The following CREB5 variants were observed in gnomAD, a reference collection of about 807,000 sequenced individuals.
The protein encoded by CREB5 is cyclic AMP-responsive element-binding protein 5.
In CREB5, 19 loss-of-function variants were observed where a neutral mutation model predicts 57.1. The ratio of observed to expected loss-of-function variants is 0.33; its 90% CI spans 0.23 to 0.49. The LOEUF is 0.49. Ranked by LOEUF, CREB5 falls within the 20% of genes least tolerant of loss-of-function variation. CREB5 has a pLI of 0.99. For missense variants in CREB5, 579 were observed against 671.6 expected, an observed-to-expected ratio of 0.86 and a Z score of 1.52; for synonymous variants, 238 against 238.3, an observed-to-expected ratio of 1.00 and a Z score of 0.01.
chr7:28,756,426 C>T (rs1805305007), intron 7 of CREB5, among the ~76,000 whole-genome samples: 1 of 151,998 alleles, frequency 6.6e-6, no homozygotes, highest in African/African-American at 2.4e-5. Context: ...CATGGTGGCA[C>T]ATGCCTGTAA....
intron 9 of CREB5, among the ~76,000 whole-genome samples, chr7:28,813,836 A>G (rs192813012): frequency 7.9e-4 from 121 of 152,340 alleles, no homozygotes; most frequent in African/African-American, 2.9e-3. Context: ...TACAGTCGCT[A>G]AACAGCTAAC....
chr7:28,698,521 A>G (rs1801689695), intron 5 of CREB5, among the ~76,000 whole-genome samples: 1 of 152,178 alleles, frequency 6.6e-6, no homozygotes, highest in Non-Finnish European at 1.5e-5. Context: ...CCATGAGGAT[A>G]GGCAGTATTT....
intron 1 of CREB5, among the ~76,000 whole-genome samples, chr7:28,342,743 T>C: frequency 6.6e-6 from 1 of 152,184 alleles, no homozygotes; most frequent in East Asian, 1.9e-4. Context: ...AAAAAAACCA[T>C]ATCCCAATTT....
intron 5 of CREB5, among the ~76,000 whole-genome samples, chr7:28,672,240 C>T (rs1800090099): frequency 6.7e-6 from 1 of 149,926 alleles, no homozygotes; most frequent in African/African-American, 2.5e-5. Flanking sequence ...TTTTAAAAGA[C>T]CTGGGATCTA....
intron 1 of CREB5, among the ~76,000 whole-genome samples, chr7:28,342,306 A>G (rs1785952602): frequency 6.6e-6 from 1 of 152,238 alleles, no homozygotes; most frequent in African/African-American, 2.4e-5. Context: ...GAGGGTTAGT[A>G]GGAAGATCAA....
intron 3 of CREB5, among the ~76,000 whole-genome samples, chr7:28,497,367 G>C (rs1221575849): frequency 1.3e-5 from 2 of 152,216 alleles, no homozygotes; most frequent in Non-Finnish European, 2.9e-5. Flanking sequence ...TTAATTTGAG[G>C]CTGTCCCTGC....
chr7:28,542,628 A>G (rs1309206836), intron 4 of CREB5, among the ~76,000 whole-genome samples: 2 of 152,096 alleles, frequency 1.3e-5, no homozygotes, highest in Admixed American at 1.3e-4. Context: ...CCAAGAAGAA[A>G]CTGGTATTTT....
intron 5 of CREB5, among the ~76,000 whole-genome samples, chr7:28,588,153 T>C (rs568563894): frequency 1.3e-5 from 2 of 152,208 alleles, no homozygotes; most frequent in Non-Finnish European, 2.9e-5. Context: ...TTTGGTCTCT[T>C]GGTATCCTGG....
At chr7:28,654,955 G>T (rs1320505784) in intron 5 of CREB5, among the ~76,000 whole-genome samples, 1 of 152,106 alleles carries the variant, frequency 6.6e-6, no homozygotes, top group Non-Finnish European at 1.5e-5. Flanking sequence ...CCATCACCCA[G>T]GCTGGAGTAC....
chr7:28,675,097 A>AC (rs1800252930), intron 5 of CREB5, among the ~76,000 whole-genome samples: 1 of 152,192 alleles, frequency 6.6e-6, no homozygotes, highest in African/African-American at 2.4e-5. Context: ...TCCTCAGGTA[A>AC]AATGTCATCT....
At chr7:28,560,895 T>TGCGC (rs1232211956) in intron 4 of CREB5, among the ~76,000 whole-genome samples, 3,684 of 26,484 alleles carry the variant, frequency 0.14, 638 homozygotes, top group Non-Finnish European at 0.15. Flanking sequence ...TGCGTGTGTG[T>TGCGC]GCGTGCGCGC....
rs569844567 is a variant in CREB5 at position 28,536,622 on chromosome 7, G to A, written c.291+28885G>A. On this transcript the variant is annotated intron_variant, in intron 4 of 10. Transcript: ENST00000357727. Reference sequence around the variant, plus strand: ...ACCTCTGGCATTCCAGGCAAGAGCCGGTCATCAATCCTAAATTAACATTTT... The same window carrying A: ...ACCTCTGGCATTCCAGGCAAGAGCCAGTCATCAATCCTAAATTAACATTTT... Among the ~76,000 whole-genome samples, 12 of 152,266 alleles carry A rather than the reference G, an allele frequency of 7.9e-5. 1 individual carries two copies. Among genetic ancestry groups the A allele is most frequent in the Admixed American group, 7.8e-4 (12 of 15,298 alleles).
intron 7 of CREB5, among the ~76,000 whole-genome samples, chr7:28,762,744 C>CT (rs1035329832): frequency 2.1e-4 from 31 of 145,532 alleles, no homozygotes; most frequent in East Asian, 1.2e-3. Context: ...TTTTCTTTTT[C>CT]TTTTTTTTGA....
chr7:28,424,383 A>G (rs1373643933), intron 1 of CREB5, among the ~76,000 whole-genome samples: 3 of 152,206 alleles, frequency 2.0e-5, no homozygotes, highest in Non-Finnish European at 4.4e-5. Context: ...TGGGAGTGAT[A>G]TGTTTTCTAA....
At chr7:28,433,117 T>A in intron 1 of CREB5, among the ~76,000 whole-genome samples, 1 of 152,202 alleles carries the variant, frequency 6.6e-6, no homozygotes, top group East Asian at 1.9e-4. Flanking sequence ...TGGTAATAAA[T>A]AATATTGTGA....
chr7:28,477,166 G>C (rs920468441), intron 1 of CREB5, among the ~76,000 whole-genome samples: 4 of 152,206 alleles, frequency 2.6e-5, no homozygotes. Flanking sequence ...ACTGTGATGG[G>C]TAATCAATCA....
chr7:28,327,835 T>C (rs1785636666), intron 1 of CREB5, among the ~76,000 whole-genome samples: 1 of 152,220 alleles, frequency 6.6e-6, no homozygotes, highest in African/African-American at 2.4e-5. Flanking sequence ...TGAGGCCTGA[T>C]GTGTGGCAGA....
At chr7:28,688,968 T>TGGCTGTGGCCTCTCCATGCC (rs1251347773) in intron 5 of CREB5, among the ~76,000 whole-genome samples, 1 of 152,138 alleles carries the variant, frequency 6.6e-6, no homozygotes, top group African/African-American at 2.4e-5. Context: ...AGCACTAGCC[T>TGGCTGTGGCCTCTCCATGCC]GGCTGTGGCC....
At chr7:28,655,654 G>C (rs1033323973) in intron 5 of CREB5, among the ~76,000 whole-genome samples, 1 of 151,990 alleles carries the variant, frequency 6.6e-6, no homozygotes, top group Non-Finnish European at 1.5e-5. Flanking sequence ...AAGATTAAAA[G>C]GGTTTCTGTT....
Sources: allele counts gnomAD v4.1 joint callset (sites outside exome capture counted in the v4.1 genomes callset), GRCh38; gene constraint gnomAD v4.1.1; transcripts MANE v1.5; gene names NCBI Gene and HGNC (gene_info 2026-07-23, HGNC 2026-07-21).